Variants in VNN2 observed in about 807,000 individuals in gnomAD.
VNN2 encodes pantetheine hydrolase VNN2.
Under a neutral mutation model 43.0 loss-of-function variants are expected in VNN2, and 43 were observed. The observed-to-expected ratio is 1.00, with a 90% CI of 0.78 to 1.29. VNN2 has a LOEUF of 1.29. Ranked by LOEUF, VNN2 falls within the 50% of genes most tolerant of loss-of-function variation. VNN2 has a pLI of 0.00. For missense variants in VNN2, 652 were observed against 619.7 expected (o/e 1.05, Z -0.55); for synonymous variants, 230 against 224.3 (o/e 1.03, Z -0.23).
Position 132,744,137 on chromosome 6 carries a change from T to C in VNN2, c.*163A>G. 1 of 583,420 alleles carries C rather than the reference T, an allele frequency of 1.7e-6. No homozygotes were observed. Among genetic ancestry groups the C allele is most frequent in the South Asian group, 3.3e-5 (1 of 30,148 alleles). The allele number at this position is 583,420 out of a possible 1,614,324, so 36.1% of individuals were successfully genotyped here. A position where few individuals can be genotyped will look rare whatever the true frequency, so the allele number is the denominator to read the frequency against. On this transcript the variant is annotated 3_prime_UTR_variant, in exon 7 of 7. Transcript: ENST00000326499. ...AGAGTAGCCAAAAAAATGGACAACA[T>C]TATCATAATACTTAAAAAATAATTA...
chr6:132,746,182 C>A (rs1399071552), intron 6 of VNN2, among the ~76,000 whole-genome samples: 1 of 152,212 alleles, frequency 6.6e-6, no homozygotes, highest in Non-Finnish European at 1.5e-5. Flanking sequence ...TGACAATACA[C>A]CAGAGTTGCC....
chr6:132,749,855 A>T lies in VNN2; in HGVS notation c.1211T>A (p.Leu404Gln). ...RRREYWQVCTLLKCKTTNLTT... is the reference protein window; with the variant it reads ...RRREYWQVCTQLKCKTTNLTT... ...CAAATTAGTAGTTTTGCACTTCAGC[A>T]GTGTGCAGACCTATGTGGAACAAAC... is the stretch of plus-strand genomic sequence containing the variant. The change falls in exon 6 of 7, where the codon CTG becomes CAG. Residue 404 changes from leucine (L) to glutamine (Q), a missense_variant. Transcript: ENST00000326499. 1 of 1,614,052 alleles carries T rather than the reference A, an allele frequency of 6.2e-7. No homozygotes were observed. Among genetic ancestry groups the T allele is most frequent in the Admixed American group, 1.7e-5 (1 of 59,996 alleles).
At position 132,757,529 on chromosome 6, in the gene VNN2, C is replaced by G; in HGVS notation, c.231G>C (p.Val77=). The G allele has an allele frequency of 6.2e-7, 1 of 1,613,740 alleles. No individual in the cohort carries two copies. Residue 77 remains valine (V), a synonymous_variant, in exon 2 of 7, where the codon GTG becomes GTC. Coordinates refer to ENST00000326499, the MANE Select transcript of VNN2 (RefSeq NM_004665.6). ...ATCCATAAAGTGCATCTTCTGGAGT[C>G]ACAATGATTCGAGCACCCTGTTCAA... is the stretch of plus-strand genomic sequence containing the variant. ...QAAEQGARII[V]TPEDALYGWK...
chr6:132,751,663 C>T (rs1780114356), intron 4 of VNN2, 145 bp from the exon 5 acceptor site: 3 of 893,904 alleles, frequency 3.4e-6, no homozygotes, highest in Non-Finnish European at 5.0e-6. Flanking sequence ...TTGCACTGAA[C>T]ACCTAACTAC....
chr6:132,749,011 A>C (rs1271586814), intron 6 of VNN2, among the ~76,000 whole-genome samples: 1 of 152,190 alleles, frequency 6.6e-6, no homozygotes, highest in Non-Finnish European at 1.5e-5. Context: ...ATAAACAAAC[A>C]TTCTTCAATG....
chr6:132,758,363 G>A (rs952337532), upstream of VNN2, among the ~76,000 whole-genome samples: 4 of 151,902 alleles, frequency 2.6e-5, no homozygotes, highest in Middle Eastern at 3.4e-3. Flanking sequence ...TCTTAAGAAC[G>A]CAATATATCT....
intron 2 of VNN2, among the ~76,000 whole-genome samples, chr6:132,756,691 G>A (rs1312851770): frequency 5.9e-5 from 9 of 152,028 alleles, no homozygotes; most frequent in Admixed American, 5.2e-4. Context: ...GTTTTCTTCC[G>A]AGTCTAAACA....
intron 6 of VNN2, 39 bp from the exon 7 acceptor site, chr6:132,744,530 A>T: frequency 3.3e-6 from 5 of 1,531,814 alleles, no homozygotes; most frequent in Non-Finnish European, 4.4e-6. Flanking sequence ...AGCTTTCTTA[A>T]CATAGAAGTT....
At chr6:132,755,792 A>G in intron 3 of VNN2, 51 bp downstream of exon 3, 2 of 1,531,544 alleles carry the variant, frequency 1.3e-6, no homozygotes, top group South Asian at 1.2e-5. Flanking sequence ...TAAACCCAGC[A>G]TTGACCACTC....
chr6:132,748,302 G>A (rs2114529778), intron 6 of VNN2, among the ~76,000 whole-genome samples: 1 of 152,248 alleles, frequency 6.6e-6, no homozygotes, highest in South Asian at 2.1e-4. Context: ...TTTTATTCCA[G>A]CCTCAATTTG....
chr6:132,758,385 A>G (rs1177091125), upstream of VNN2, among the ~76,000 whole-genome samples: 1 of 152,074 alleles, frequency 6.6e-6, no homozygotes, highest in East Asian at 1.9e-4. Context: ...ACCACTTTTA[A>G]AGAAAGAAAA....
chr6:132,757,031 C>T, intron 2 of VNN2, among the ~76,000 whole-genome samples: 1 of 152,148 alleles, frequency 6.6e-6, no homozygotes, highest in East Asian at 1.9e-4. Flanking sequence ...GTCTTTCTGC[C>T]TAAGAAGCAA....
intron 6 of VNN2, 143 bp from the exon 7 acceptor site, chr6:132,744,634 G>T (rs1779615146): frequency 2.6e-6 from 2 of 771,406 alleles, no homozygotes; most frequent in Non-Finnish European, 3.8e-6. Flanking sequence ...GCCAGGCAGG[G>T]GACAGCCATT....
In VNN2 at chr6:132,751,454, T is replaced by C; in HGVS notation, c.891A>G (p.Gly297=). The C allele has an allele frequency of 6.2e-7, 1 of 1,614,172 alleles. No homozygotes were observed. Among genetic ancestry groups the C allele is most frequent in the Non-Finnish European group, 8.5e-7 (1 of 1,180,014 alleles). ...VYHYDMKTEL[G]KLLLSEVDSH... ...AATCCACCTCTGAAAGGAGAAGTTT[T>C]CCCAACTCTGTCTTCATGTCATAAT... is the stretch of plus-strand genomic sequence containing the variant. The change falls in exon 5 of 7, where the codon GGA becomes GGG. Residue 297 remains glycine (G), a synonymous_variant. Transcript: ENST00000326499.
At chr6:132,751,010 G>T (rs1267922659) in intron 5 of VNN2, 135 bp downstream of exon 5, 11 of 982,860 alleles carry the variant, frequency 1.1e-5, no homozygotes, top group Non-Finnish European at 1.5e-5. Context: ...GTGTGTGTGT[G>T]TTGTGTGTGT....
Position 132,752,715 on chromosome 6 carries a change from G to C in VNN2, c.572C>G (p.Pro191Arg). ...GAAAGTCACCAACTCCGGCTTTTCA[G>C]GGACATTAAACTGAGGCTCAGAGTA... ...HLYSEPQFNVPEKPELVTFNT... is the reference protein window; with the variant it reads ...HLYSEPQFNVREKPELVTFNT... Residue 191 changes from proline to arginine, a missense_variant, in exon 4 of 7, where the codon CCT becomes CGT. Pro to Arg is a moderately radical substitution (Grantham distance 103). Transcript: ENST00000326499. The C allele has an allele frequency of 6.2e-7, 1 of 1,614,022 alleles. No homozygotes were observed. Among genetic ancestry groups the C allele is most frequent in the East Asian group, 2.2e-5 (1 of 44,882 alleles).
At chr6:132,748,572 C>G (rs1779859946) in intron 6 of VNN2, among the ~76,000 whole-genome samples, 2 of 152,182 alleles carry the variant, frequency 1.3e-5, no homozygotes, top group Admixed American at 6.5e-5. Context: ...GCAATGATTT[C>G]ACCCTAGTTA....
chr6:132,755,894 A>G lies in VNN2; in HGVS notation c.486T>C (p.Asn162=), dbSNP rs777082995. 2 of 1,613,976 alleles carry G rather than the reference A, an allele frequency of 1.2e-6. No individual in the cohort carries two copies. The highest frequency in any genetic ancestry group is 1.7e-4 in the Middle Eastern group (1 of 6,060). The change falls in exon 3 of 7, where the codon AAT becomes AAC. Residue 162 remains asparagine (N), a synonymous_variant. Coordinates refer to ENST00000326499, the MANE Select transcript of VNN2 (RefSeq NM_004665.6). ...TCPPNGYFQY[N]TNVVYNTEGK... is the part of the protein sequence containing the mutation. ...CTTCTGTATTATACACCACATTGGTATTGTATTGAAAGTAGCCATTAGGAG... is the reference window on the plus strand; with the variant it reads ...CTTCTGTATTATACACCACATTGGTGTTGTATTGAAAGTAGCCATTAGGAG...
chr6:132,760,067 T>A (rs975491722), upstream of VNN2, among the ~76,000 whole-genome samples: 6 of 152,264 alleles, frequency 3.9e-5, no homozygotes, highest in Non-Finnish European at 8.8e-5. Flanking sequence ...TTCTCATTCC[T>A]GATTCCAGAG....
Sources: gnomAD v4.1 joint callset for allele counts (sites outside exome capture counted in the v4.1 genomes callset) on GRCh38, gnomAD v4.1.1 for gene constraint, MANE v1.5 for transcripts, NCBI Gene and HGNC (gene_info 2026-07-23, HGNC 2026-07-21) for gene names.